TBC1D4: variants seen among roughly 807,000 people sequenced by gnomAD.
TBC1D4 encodes TBC1 domain family member 4.
A neutral mutation model predicts 142.5 loss-of-function variants in TBC1D4; 121 were observed. That is an observed-to-expected ratio of 0.85 (90% CI 0.73 to 0.99). TBC1D4 has a LOEUF of 0.99. TBC1D4 is among the 50% of genes least tolerant of loss of function. The probability of loss-of-function intolerance (pLI) is 0.00; values close to 1 mark genes in which losing one functional copy is unlikely to be tolerated. For missense variants in TBC1D4, 1,475 were observed against 1,606.6 expected, an observed-to-expected ratio of 0.92 and a Z score of 1.40; for synonymous variants, 630 against 628.2, an observed-to-expected ratio of 1.00 and a Z score of -0.04.
At chr13:75,453,959 G>A (rs1366477718) in intron 1 of TBC1D4, among the ~76,000 whole-genome samples, 1 of 151,608 alleles carries the variant, frequency 6.6e-6, no homozygotes, top group African/African-American at 2.4e-5. Context: ...AAACAAACAT[G>A]AAAATAAAAG....
At chr13:75,365,116 T>G (rs1882828572) in intron 1 of TBC1D4, among the ~76,000 whole-genome samples, 1 of 152,232 alleles carries the variant, frequency 6.6e-6, no homozygotes, top group African/African-American at 2.4e-5. Context: ...AACACCTAAA[T>G]GTAATTCTGT....
intron 1 of TBC1D4, among the ~76,000 whole-genome samples, chr13:75,449,240 G>A (rs1309530408): frequency 6.6e-6 from 1 of 151,680 alleles, no homozygotes; most frequent in Non-Finnish European, 1.5e-5. Context: ...ATGTGTGTGT[G>A]TATATATGTG....
chr13:75,303,653 A>G (rs113425750), intron 15 of TBC1D4, among the ~76,000 whole-genome samples: 402 of 152,326 alleles, frequency 2.6e-3, no homozygotes, highest in African/African-American at 8.8e-3. Flanking sequence ...TAATGACAGT[A>G]ATCTCTTCTG....
At position 75,356,212 on chromosome 13, in the gene TBC1D4, C is replaced by A. The variant is rs1882034030; in HGVS notation, c.1210G>T (p.Glu404Ter). The A allele has an allele frequency of 1.2e-6, 2 of 1,613,690 alleles. No homozygotes were observed. The highest frequency in any genetic ancestry group is 1.3e-5 in the African/African-American group (1 of 74,912). Residue 404 changes from glutamate to a stop codon, truncating the protein, a stop_gained, in exon 4 of 21, where the codon GAG (glutamate) becomes TAG (stop). Transcript: ENST00000377636. LOFTEE classifies it high-confidence loss of function. ...TGGCTAAGTCCAGGCTCTGGAGACT[C>A]CCGGCAGATAAAGCCAAAGTGATCC... ...HVDHFGFICR[E>*]SPEPGLSQYI...
intron 4 of TBC1D4, among the ~76,000 whole-genome samples, chr13:75,354,311 A>G (rs1245474187): frequency 1.3e-5 from 2 of 152,216 alleles, no homozygotes; most frequent in African/African-American, 4.8e-5. Flanking sequence ...AAACTCTAAC[A>G]TAATGTAGAA....
rs1244014629 is a variant in TBC1D4, at chr13:75,327,824, T to A, written c.1734A>T (p.Gly578=). The A allele has an allele frequency of 1.9e-6, 3 of 1,613,908 alleles. No individual in the cohort carries two copies. The highest frequency in any genetic ancestry group is 1.1e-5 in the South Asian group (1 of 91,074). The change falls in exon 9 of 21, where the codon GGA becomes GGT. Residue 578 remains glycine (G), a splice_region_variant and synonymous_variant. Transcript: ENST00000377636. ...TSSLENIFSR[G]ANRMRGRLGS... Reference sequence around the variant, plus strand: ...CAAGCCGACCTCTCATTCTGTTAGCTCCCTGAGTGAAAAGAATAAAATTAA... The same window carrying A: ...CAAGCCGACCTCTCATTCTGTTAGCACCCTGAGTGAAAAGAATAAAATTAA...
chr13:75,427,678 A>T (rs1886434800), intron 1 of TBC1D4, among the ~76,000 whole-genome samples: 1 of 152,144 alleles, frequency 6.6e-6, no homozygotes, highest in African/African-American at 2.4e-5. Flanking sequence ...CTCACGCTCG[A>T]ATTATTCATA....
At chr13:75,341,449 AT>A (rs1192629739) in intron 6 of TBC1D4, 46 bp downstream of exon 6, 1 of 1,567,838 alleles carries the variant, frequency 6.4e-7, no homozygotes, top group Non-Finnish European at 8.8e-7. Context: ...ACAGGATCCA[AT>A]TCTCATTCCT....
At chr13:75,354,186 C>T (rs1471643254) in intron 4 of TBC1D4, among the ~76,000 whole-genome samples, 1 of 152,214 alleles carries the variant, frequency 6.6e-6, no homozygotes, top group African/African-American at 2.4e-5. Context: ...TGCAGAATAA[C>T]ATCAGATGAG....
chr13:75,417,462 T>C lies in TBC1D4; in HGVS notation c.499-54855A>G, dbSNP rs571854340. ...GATTTCATCTTATCACCTGCTGAAA[T>C]TATAATACCAGATAGAAAATAAGAG... On this transcript the variant is annotated intron_variant, in intron 1 of 20. Transcript: ENST00000377636. Among the ~76,000 whole-genome samples the C allele has an allele frequency of 1.2e-4, 19 of 152,172 alleles. No homozygotes were observed. The East Asian group carries it at 3.7e-3, about 29-fold the overall frequency.
intron 1 of TBC1D4, among the ~76,000 whole-genome samples, chr13:75,403,156 T>C (rs1416096234): frequency 6.6e-6 from 1 of 152,224 alleles, no homozygotes; most frequent in Non-Finnish European, 1.5e-5. Context: ...GACCTACTCC[T>C]GTCCATGGCC....
At chr13:75,412,805 G>A (rs141026188) in intron 1 of TBC1D4, among the ~76,000 whole-genome samples, 17 of 152,228 alleles carry the variant, frequency 1.1e-4, no homozygotes, top group African/African-American at 1.4e-4. Context: ...TATTAACAAC[G>A]CCAATTTTCA....
intron 1 of TBC1D4, among the ~76,000 whole-genome samples, chr13:75,426,245 A>T (rs1886366115): frequency 6.6e-6 from 1 of 152,098 alleles, no homozygotes; most frequent in African/African-American, 2.4e-5. Context: ...ATACCACCTC[A>T]CTCCTCTTAG....
At chr13:75,404,532 T>A (rs1156858667) in intron 1 of TBC1D4, among the ~76,000 whole-genome samples, 1 of 152,170 alleles carries the variant, frequency 6.6e-6, no homozygotes, top group Non-Finnish European at 1.5e-5. Flanking sequence ...TAAAAGTTTC[T>A]TAGTCAGGAT....
chr13:75,374,061 T>C (rs1171469449), intron 1 of TBC1D4, among the ~76,000 whole-genome samples: 2 of 152,150 alleles, frequency 1.3e-5, no homozygotes, highest in East Asian at 1.9e-4. Flanking sequence ...TTAATAAATA[T>C]AATACTTCCA....
chr13:75,377,978 T>C (rs1883617141), intron 1 of TBC1D4, among the ~76,000 whole-genome samples: 1 of 152,042 alleles, frequency 6.6e-6, no homozygotes, highest in African/African-American at 2.4e-5. Context: ...AATATAAACA[T>C]GATTTGGGGG....
At chr13:75,437,421 T>C (rs1886843637) in intron 1 of TBC1D4, among the ~76,000 whole-genome samples, 1 of 152,204 alleles carries the variant, frequency 6.6e-6, no homozygotes, top group African/African-American at 2.4e-5. Context: ...TGTTAATGAA[T>C]GTAACATGTG....
chr13:75,445,040 C>T (rs1256576404), intron 1 of TBC1D4, among the ~76,000 whole-genome samples: 1 of 152,116 alleles, frequency 6.6e-6, no homozygotes, highest in Admixed American at 6.6e-5. Context: ...CGCCCAAGGT[C>T]ACAGACACTT....
rs570084251 is a variant in TBC1D4 at position 75,306,965 on chromosome 13, G to A, written c.2594-494C>T. Among the ~76,000 whole-genome samples the A allele has an allele frequency of 2.8e-3, 420 of 151,964 alleles. 2 individuals carry two copies. Among genetic ancestry groups the A allele is most frequent in the Non-Finnish European group, 4.3e-3 (293 of 67,968 alleles). On this transcript the variant is annotated intron_variant, in intron 14 of 20. Transcript: ENST00000377636. ...TCCCATGTTCGTTATTTTCTCTTTC[G>A]TTTGTTTTTGCTTTTGTTTCTTAGA...
Sources: gnomAD v4.1 joint callset for allele counts (sites outside exome capture counted in the v4.1 genomes callset) on GRCh38, gnomAD v4.1.1 for gene constraint, MANE v1.5 for transcripts, NCBI Gene and HGNC (gene_info 2026-07-23, HGNC 2026-07-21) for gene names.